SEL1L: variants seen among roughly 807,000 people sequenced by gnomAD.
SEL1L encodes the protein protein sel-1 homolog 1.
SEL1L carries 52 observed loss-of-function variants against 109.8 expected under a neutral mutation model. The ratio of observed to expected loss-of-function variants is 0.47; its 90% CI spans 0.38 to 0.60. The LOEUF (loss-of-function observed/expected upper bound fraction) is 0.60. Among genes scored for constraint, SEL1L ranks in the 20% least tolerant of loss-of-function variants. The pLI, the probability that SEL1L is intolerant of heterozygous loss-of-function variation, is 0.00. For synonymous variants in SEL1L, 373 were observed against 339.6 expected (o/e 1.10, Z -1.08); for missense variants, 749 against 962.2 (o/e 0.78, Z 2.93).
At chr14:81,494,293 T>C (rs1169637585) in intron 11 of SEL1L, among the ~76,000 whole-genome samples, 3 of 152,198 alleles carry the variant, frequency 2.0e-5, no homozygotes, top group African/African-American at 4.8e-5. Context: ...CAAATACATC[T>C]TGAATCCACT....
At chr14:81,511,460 G>A (rs530037489) in intron 3 of SEL1L, among the ~76,000 whole-genome samples, 11 of 152,286 alleles carry the variant, frequency 7.2e-5, no homozygotes, top group South Asian at 2.1e-4. Flanking sequence ...TCTAAACAAC[G>A]GCTTTAAAGA....
At chr14:81,501,688 T>C (rs988730112) in intron 6 of SEL1L, among the ~76,000 whole-genome samples, 4 of 152,136 alleles carry the variant, frequency 2.6e-5, no homozygotes, top group Admixed American at 2.6e-4. Flanking sequence ...GCTTGAATTA[T>C]TGAAGGAATT....
rs182118329 is a variant in SEL1L at position 81,531,082 on chromosome 14, G to A, written c.70+2593C>T. On this transcript the variant is annotated intron_variant, in intron 1 of 20. Transcript: ENST00000336735. ...GTGAGTGAGTGAATGTGAAGCCTAG[G>A]ATGTTACTATACACTATTGTAAACA... 2.2e-3 allele frequency among the ~76,000 whole-genome samples: 330 copies of A among 152,270 alleles called. 2 individuals are homozygous for A. The Middle Eastern group carries it at 0.037, about 17-fold the overall frequency.
At chr14:81,514,845 C>T (rs1417901231) in intron 3 of SEL1L, among the ~76,000 whole-genome samples, 5 of 152,102 alleles carry the variant, frequency 3.3e-5, no homozygotes, top group African/African-American at 1.2e-4. Flanking sequence ...TATGGCCTGG[C>T]CCCAATATTC....
chr14:81,505,929 A>G, intron 4 of SEL1L, 145 bp downstream of exon 4: 1 of 672,386 alleles, frequency 1.5e-6, no homozygotes, highest in Admixed American at 3.0e-5. Flanking sequence ...TCCCACTCTT[A>G]AGTCCACTCT....
rs1237169754 is a variant in SEL1L at position 81,493,552 on chromosome 14, C to CA, written c.1186-1005dup. Among the ~76,000 whole-genome samples the CA allele has an allele frequency of 3.3e-5, 5 of 152,050 alleles. No individual in the cohort carries two copies. In the East Asian group the frequency reaches 9.7e-4, roughly 29 times the overall value. ...AATAAAATAAATAAAAAATAAAACT[C>CA]AAACCAAAACACACAAGATATGTAT... On this transcript the variant is annotated intron_variant, in intron 11 of 20. Coordinates refer to ENST00000336735, the MANE Select transcript of SEL1L (RefSeq NM_005065.6).
At chr14:81,485,598 T>C in intron 18 of SEL1L, 74 bp downstream of exon 18, 1 of 1,295,292 alleles carries the variant, frequency 7.7e-7, no homozygotes, top group Non-Finnish European at 1.1e-6. Context: ...GGCTTCATGA[T>C]TTAATGTTCA....
chr14:81,507,600 CA>C (rs144979658), intron 3 of SEL1L, among the ~76,000 whole-genome samples: 11,781 of 144,988 alleles, frequency 0.081, 1,432 homozygotes, highest in African/African-American at 0.27. Flanking sequence ...AAAACCCACA[CA>C]AAAAAAACAG....
chr14:81,512,257 G>C (rs1010545803), intron 3 of SEL1L, among the ~76,000 whole-genome samples: 10 of 152,332 alleles, frequency 6.6e-5, no homozygotes, highest in Non-Finnish European at 1.2e-4. Flanking sequence ...TGAACCCTAT[G>C]AGGAAGAAAT....
rs555258781 is a variant in SEL1L, at chr14:81,510,478, C to T, written c.341-4237G>A. ...AAACATAGCTAGAATGCTGATCTCTCTCTCTCTCTCTCTCTCTCTCTCTCT... is the reference window on the plus strand; with the variant it reads ...AAACATAGCTAGAATGCTGATCTCTTTCTCTCTCTCTCTCTCTCTCTCTCT... On this transcript the variant is annotated intron_variant, in intron 3 of 20. Transcript: ENST00000336735. Among the ~76,000 whole-genome samples, 4 of 90,242 alleles carry T rather than the reference C, an allele frequency of 4.4e-5. No individual in the cohort carries two copies. In the Admixed American group the frequency reaches 4.7e-4, roughly 10 times the overall value. 59.2% of individuals were successfully genotyped at this position (90,242 alleles called of 152,430 possible).
At chr14:81,495,293 T>C (rs1362617052) in intron 10 of SEL1L, among the ~76,000 whole-genome samples, 156 bp from the exon 11 acceptor site, 2 of 152,224 alleles carry the variant, frequency 1.3e-5, no homozygotes, top group African/African-American at 4.8e-5. Context: ...GCTATTCTAC[T>C]TTAATTAACC....
At chr14:81,484,975 G>A (rs1903475295) in intron 18 of SEL1L, among the ~76,000 whole-genome samples, 1 of 152,164 alleles carries the variant, frequency 6.6e-6, no homozygotes, top group Admixed American at 6.5e-5. Flanking sequence ...GACCATTTAG[G>A]TTTGGAGAAG....
rs564848053 is a variant in SEL1L at position 81,492,560 on chromosome 14, G to A, written c.1186-12C>T. The A allele has an allele frequency of 7.7e-6, 12 of 1,557,734 alleles. No individual in the cohort carries two copies. The highest frequency in any genetic ancestry group is 1.4e-5 in the African/African-American group (1 of 73,186). On this transcript the variant is annotated splice_polypyrimidine_tract_variant and intron_variant, in intron 11 of 20. Coordinates refer to ENST00000336735, the MANE Select transcript of SEL1L (RefSeq NM_005065.6). ...TAGTCAAATGCTCTCTATGAGAAAA[G>A]AATTTATTAAAATAATTAGTTTTTA...
chr14:81,489,175 G>A, intron 14 of SEL1L, 77 bp downstream of exon 14: 3 of 1,303,296 alleles, frequency 2.3e-6, no homozygotes, highest in South Asian at 2.4e-5. Context: ...GGGCTGACTG[G>A]AAGCTAATTA....
rs1157808711 is a variant in SEL1L at position 81,476,271 on chromosome 14, T to C, written c.*701A>G. On this transcript the variant is annotated 3_prime_UTR_variant, in exon 21 of 21. Transcript: ENST00000336735. ...CAGTTCACAAGGTTTTGCATAAGTA[T>C]ATTCCATTCCAAAGAAGTAAAGCTC... 6.6e-6 allele frequency: 1 copy of C among 152,210 alleles called. No homozygotes were observed. The allele number at this position is 152,210 out of a possible 1,614,324, so 9.4% of individuals were successfully genotyped here.
At chr14:81,533,340 T>C (rs1217752559) in intron 1 of SEL1L, among the ~76,000 whole-genome samples, 1 of 152,190 alleles carries the variant, frequency 6.6e-6, no homozygotes, top group African/African-American at 2.4e-5. Context: ...AGACCCTTCC[T>C]CTACCCCAGG....
At chr14:81,478,534 G>A (rs1297760701) in intron 20 of SEL1L, among the ~76,000 whole-genome samples, 1 of 152,134 alleles carries the variant, frequency 6.6e-6, no homozygotes, top group Non-Finnish European at 1.5e-5. Flanking sequence ...GGTCTGAAAT[G>A]GTACTGAAAG....
At position 81,472,427 on chromosome 14, in the gene SEL1L, A is replaced by G. The variant is rs373065670; in HGVS notation, c.*4545T>C. On this transcript the variant is annotated 3_prime_UTR_variant, in exon 21 of 21. Transcript: ENST00000336735. ...TACCTCTTTGAGTTGCCTGCTGGGA[A>G]GCTGGGGGCCAAATTTGTAGCCCAC... The G allele has an allele frequency of 6.8e-4, 152 of 224,270 alleles. No individual in the cohort carries two copies. Among genetic ancestry groups the G allele is most frequent in the African/African-American group, 3.3e-3 (139 of 42,502 alleles). The allele number at this position is 224,270 out of a possible 1,614,324, so 13.9% of individuals were successfully genotyped here. A position where few individuals can be genotyped will look rare whatever the true frequency, so the allele number is the denominator to read the frequency against.
At chr14:81,513,479 G>A (rs1566621624) in intron 3 of SEL1L, among the ~76,000 whole-genome samples, 1 of 152,088 alleles carries the variant, frequency 6.6e-6, no homozygotes, top group African/African-American at 2.4e-5. Context: ...CTTAAGAACT[G>A]TAACACTCAC....
Sources: gnomAD v4.1 joint callset for allele counts (sites outside exome capture counted in the v4.1 genomes callset) on GRCh38, gnomAD v4.1.1 for gene constraint, MANE v1.5 for transcripts, NCBI Gene and HGNC (gene_info 2026-07-23, HGNC 2026-07-21) for gene names.